Variants in LRMDA observed in about 807,000 individuals in gnomAD.
The protein encoded by LRMDA is leucine rich melanocyte differentiation associated.
LRMDA carries 18 observed loss-of-function variants against 29.8 expected under a neutral mutation model. The observed-to-expected ratio is 0.60, with a 90% CI of 0.42 to 0.90. The LOEUF is 0.90. Among genes scored for constraint, LRMDA ranks in the 40% least tolerant of loss-of-function variants. The pLI, the probability that LRMDA is intolerant of heterozygous loss-of-function variation, is 0.00. For missense variants in LRMDA, 273 were observed against 273.9 expected (o/e 1.00, Z 0.02); for synonymous variants, 125 against 109.4 (o/e 1.14, Z -0.89).
At chr10:75,434,334 C>A (rs551124028) in intron 1 of LRMDA, among the ~76,000 whole-genome samples, 1 of 152,052 alleles carries the variant, frequency 6.6e-6, no homozygotes, top group Admixed American at 6.6e-5. Context: ...ACAATAGGGA[C>A]GATAATATGC....
At chr10:75,577,992 AT>A in intron 2 of LRMDA, among the ~76,000 whole-genome samples, 1 of 152,178 alleles carries the variant, frequency 6.6e-6, no homozygotes, top group South Asian at 2.1e-4. Context: ...AACAGGCAAA[AT>A]AACCAGCTAG....
chr10:76,119,036 T>C (rs1277352180), intron 5 of LRMDA, among the ~76,000 whole-genome samples: 4 of 152,110 alleles, frequency 2.6e-5, no homozygotes, highest in Non-Finnish European at 5.9e-5. Flanking sequence ...CACAAATTTC[T>C]TTACTTTTGC....
At chr10:76,485,261 A>G (rs547301011) in intron 6 of LRMDA, among the ~76,000 whole-genome samples, 47 of 150,752 alleles carry the variant, frequency 3.1e-4, no homozygotes, top group African/African-American at 1.1e-3. Context: ...ATTTTATATG[A>G]TTCTATATCT....
At chr10:75,617,547 G>A (rs187778777) in intron 2 of LRMDA, among the ~76,000 whole-genome samples, 65 of 152,188 alleles carry the variant, frequency 4.3e-4, no homozygotes, top group African/African-American at 1.1e-3. Flanking sequence ...GGCTCCCACC[G>A]ACTAGTAGAA....
chr10:76,105,935 C>T (rs141648581), intron 5 of LRMDA, among the ~76,000 whole-genome samples: 140 of 152,168 alleles, frequency 9.2e-4, no homozygotes, highest in Middle Eastern at 3.4e-3. Flanking sequence ...TTAGTAGAGA[C>T]AGGGTTCTGC....
chr10:75,817,941 T>C (rs7918784), intron 2 of LRMDA, among the ~76,000 whole-genome samples: 64,500 of 151,966 alleles, frequency 0.42, 14,519 homozygotes, highest in South Asian at 0.55. Context: ...ACCAAGACTC[T>C]TTCCATCTTT....
chr10:75,466,828 C>T (rs1589151893), intron 2 of LRMDA, among the ~76,000 whole-genome samples: 1 of 152,234 alleles, frequency 6.6e-6, no homozygotes, highest in East Asian at 1.9e-4. Flanking sequence ...TAAACCCTCC[C>T]CTCTTCCCTA....
At chr10:75,935,798 A>G (rs565710317) in intron 2 of LRMDA, among the ~76,000 whole-genome samples, 20 of 152,282 alleles carry the variant, frequency 1.3e-4, no homozygotes, top group Admixed American at 9.8e-4. Flanking sequence ...TCCACATGCA[A>G]CTGAGGTGCT....
chr10:75,736,216 AT>A lies in LRMDA; in HGVS notation c.131+297725del, dbSNP rs570054300. ...ACAGCAGGCAAGACTATAAGCTTTAATTTATGTTGTGCTTTGGACATTTTTC... is the reference window on the plus strand; with the variant it reads ...ACAGCAGGCAAGACTATAAGCTTTAATTATGTTGTGCTTTGGACATTTTTC... On this transcript the variant is annotated intron_variant, in intron 2 of 6. Coordinates refer to ENST00000611255, the MANE Select transcript of LRMDA (RefSeq NM_001305581.2). Among the ~76,000 whole-genome samples, 17 of 152,340 alleles carry A rather than the reference AT, an allele frequency of 1.1e-4. No individual in the cohort carries two copies. In the South Asian group the frequency reaches 3.5e-3, roughly 32 times the overall value.
intron 2 of LRMDA, among the ~76,000 whole-genome samples, chr10:75,749,205 T>C (rs1353392408): frequency 6.6e-6 from 1 of 152,228 alleles, no homozygotes; most frequent in Non-Finnish European, 1.5e-5. Flanking sequence ...TAGTAACATT[T>C]TCTTTTCTCT....
At chr10:75,642,101 G>C (rs1024802736) in intron 2 of LRMDA, among the ~76,000 whole-genome samples, 3 of 152,162 alleles carry the variant, frequency 2.0e-5, no homozygotes, top group Admixed American at 6.5e-5. Flanking sequence ...GGCTGAGAAG[G>C]GGGTAAAGAA....
chr10:76,502,382 T>C (rs1055709576), intron 6 of LRMDA, among the ~76,000 whole-genome samples: 2 of 152,086 alleles, frequency 1.3e-5, no homozygotes, highest in Non-Finnish European at 2.9e-5. Flanking sequence ...AATAGTTTCT[T>C]CTAATTCTGT....
chr10:76,438,529 G>A (rs1368450345), intron 6 of LRMDA: 3 of 152,116 alleles, frequency 2.0e-5, no homozygotes, highest in African/African-American at 7.2e-5. Context: ...TGGAGGATGG[G>A]GAGATTACCT....
intron 2 of LRMDA, among the ~76,000 whole-genome samples, chr10:75,578,465 C>T (rs1378217735): frequency 6.6e-6 from 1 of 151,998 alleles, no homozygotes; most frequent in Admixed American, 6.5e-5. Flanking sequence ...GAGACTTTAA[C>T]ACCCCACTGT....
intron 2 of LRMDA, among the ~76,000 whole-genome samples, chr10:75,754,676 A>G (rs1164367068): frequency 6.6e-6 from 1 of 152,140 alleles, no homozygotes; most frequent in Admixed American, 6.5e-5. Flanking sequence ...CATCTGAAAC[A>G]TTTTCAACTC....
chr10:75,735,978 G>C (rs369469102), intron 2 of LRMDA, among the ~76,000 whole-genome samples: 7 of 152,124 alleles, frequency 4.6e-5, no homozygotes, highest in Middle Eastern at 3.4e-3. Flanking sequence ...ATGGCAGCTG[G>C]GCAAAAGGGT....
chr10:75,523,682 T>C (rs1845385775), intron 2 of LRMDA, among the ~76,000 whole-genome samples: 1 of 152,176 alleles, frequency 6.6e-6, no homozygotes, highest in Admixed American at 6.5e-5. Context: ...AGGCATAACC[T>C]GAAACTGTCC....
At chr10:76,431,634 C>T (rs1164340908) in intron 6 of LRMDA, among the ~76,000 whole-genome samples, 2 of 152,110 alleles carry the variant, frequency 1.3e-5, no homozygotes, top group African/African-American at 2.4e-5. Context: ...TTGTTATTAT[C>T]CCAGTGGATG....
At chr10:75,650,458 T>A (rs1841583392) in intron 2 of LRMDA, among the ~76,000 whole-genome samples, 1 of 150,390 alleles carries the variant, frequency 6.6e-6, no homozygotes, top group African/African-American at 2.5e-5. Context: ...AACAAAATTA[T>A]TTTTTGTCTC....
Sources: allele counts gnomAD v4.1 joint callset (sites outside exome capture counted in the v4.1 genomes callset), GRCh38; gene constraint gnomAD v4.1.1; transcripts MANE v1.5; gene names NCBI Gene and HGNC (gene_info 2026-07-23, HGNC 2026-07-21).